The following RIMS3 variants were observed in gnomAD, a reference collection of about 807,000 sequenced individuals.
The protein encoded by RIMS3 is regulating synaptic membrane exocytosis 3, also known as regulating synaptic membrane exocytosis protein 3.
A neutral mutation model predicts 29.2 loss-of-function variants in RIMS3; 15 were observed. The ratio of observed to expected loss-of-function variants is 0.51; its 90% CI spans 0.34 to 0.79. The LOEUF (loss-of-function observed/expected upper bound fraction) is 0.79, where lower values mean the gene tolerates loss of function less well. RIMS3 is among the 30% of genes least tolerant of loss of function. The pLI is 0.01. For missense variants in RIMS3, 342 were observed against 421.4 expected, an observed-to-expected ratio of 0.81 and a Z score of 1.65; for synonymous variants, 161 against 170.1, an observed-to-expected ratio of 0.95 and a Z score of 0.41.
Position 40,623,361 on chromosome 1 carries a change from A to G in RIMS3, c.*3156T>C. On this transcript the variant is annotated 3_prime_UTR_variant, in exon 8 of 8. Coordinates refer to ENST00000372684, the MANE Select transcript of RIMS3 (RefSeq NM_014747.3). Reference sequence around the variant, plus strand: ...CATACCAAAAACCCATTGCAGGGAAAAGGAGTCTATGAAGAAAGTGGGACA... The same window carrying G: ...CATACCAAAAACCCATTGCAGGGAAGAGGAGTCTATGAAGAAAGTGGGACA... 1 of 398,624 alleles carries G rather than the reference A, an allele frequency of 2.5e-6. No homozygotes were observed. Among genetic ancestry groups the G allele is most frequent in the Non-Finnish European group, 4.4e-6 (1 of 226,072 alleles). The allele number at this position is 398,624 out of a possible 1,614,324, so 24.7% of individuals were successfully genotyped here.
intron 2 of RIMS3, among the ~76,000 whole-genome samples, chr1:40,643,164 G>A (rs1222793134): frequency 6.6e-6 from 1 of 151,314 alleles, no homozygotes; most frequent in Non-Finnish European, 1.5e-5. Context: ...TTTTGAGATG[G>A]AGCCTCACTC....
the RIMS3 span, chr1:40,691,902 G>A: frequency 2.8e-6 from 1 of 355,384 alleles, no homozygotes; most frequent in Non-Finnish European, 5.6e-6. Flanking sequence ...GTGCGAGGGT[G>A]ATAGGGAAGC....
chr1:40,683,428 C>A, the RIMS3 span, among the ~76,000 whole-genome samples: 1 of 152,118 alleles, frequency 6.6e-6, no homozygotes, highest in East Asian at 1.9e-4. Flanking sequence ...ATACGTTTGG[C>A]CCCCCTCCCT....
the RIMS3 span, among the ~76,000 whole-genome samples, chr1:40,675,209 C>T: frequency 6.6e-6 from 1 of 151,388 alleles, no homozygotes. Flanking sequence ...GCAGAGGTGG[C>T]AGTGAGCCAA....
In RIMS3 at chr1:40,626,377, C is replaced by T; in HGVS notation, c.*140G>A. On this transcript the variant is annotated 3_prime_UTR_variant, in exon 8 of 8. Transcript: ENST00000372684. ...ACGCACACACTACAGTCTCCACTGC[C>T]AGCTGGGATGAGCCCAGTAGCCAAC... 1.3e-6 allele frequency: 1 copy of T among 780,510 alleles called. No individual in the cohort carries two copies. Among genetic ancestry groups the T allele is most frequent in the Non-Finnish European group, 2.2e-6 (1 of 460,202 alleles). The allele number at this position is 780,510 out of a possible 1,614,324, so 48.3% of individuals were successfully genotyped here. A position where few individuals can be genotyped will look rare whatever the true frequency, so the allele number is the denominator to read the frequency against.
At chr1:40,645,871 C>G (rs1378499672) in intron 2 of RIMS3, among the ~76,000 whole-genome samples, 1 of 152,184 alleles carries the variant, frequency 6.6e-6, no homozygotes, top group African/African-American at 2.4e-5. Context: ...CTTTAACCAT[C>G]TAGGGATCAA....
At chr1:40,675,276 GA>G in the RIMS3 span, among the ~76,000 whole-genome samples, 159 of 140,494 alleles carry the variant, frequency 1.1e-3, no homozygotes, top group African/African-American at 2.0e-3. Flanking sequence ...CCTGTCTCAG[GA>G]AAAAAAAAAA....
the RIMS3 span, among the ~76,000 whole-genome samples, chr1:40,678,926 T>C: frequency 2.0e-5 from 3 of 152,158 alleles, no homozygotes; most frequent in Non-Finnish European, 2.9e-5. Flanking sequence ...AGAAATCTGT[T>C]AGAAAGCCTG....
chr1:40,668,488 GGGC>G (rs1214902915), upstream of RIMS3, among the ~76,000 whole-genome samples: 2 of 85,478 alleles, frequency 2.3e-5, no homozygotes, highest in East Asian at 4.7e-4. Context: ...AGGGGGTTGT[GGGC>G]GGGGGGGGGG....
intron 3 of RIMS3, among the ~76,000 whole-genome samples, chr1:40,640,525 C>T (rs1392224735): frequency 6.6e-6 from 1 of 152,198 alleles, no homozygotes; most frequent in Non-Finnish European, 1.5e-5. Context: ...TCCTCCGGAG[C>T]CCCCGCCCCC....
At chr1:40,684,092 T>C in the RIMS3 span, among the ~76,000 whole-genome samples, 1 of 152,220 alleles carries the variant, frequency 6.6e-6, no homozygotes, top group Admixed American at 6.5e-5. Context: ...AAATTTGAAA[T>C]TGAGCCTAAG....
Position 40,636,152 on chromosome 1 carries a change from TG to T in RIMS3, c.218-96del, listed in dbSNP as rs1169570716. ...TCCTGCCAAAGTCACTCTCTTGGCA[TG>T]GGGGGTTGATGGGGAGGATGAGCAG... On this transcript the variant is annotated intron_variant, in intron 3 of 7. Coordinates refer to ENST00000372684, the MANE Select transcript of RIMS3 (RefSeq NM_014747.3). The surrounding 1 kb of genome is among the most constrained non-coding windows in gnomAD (Gnocchi z 4.2). 6 of 1,489,818 alleles carry T rather than the reference TG, an allele frequency of 4.0e-6. No homozygotes were observed. The Middle Eastern group carries it at 1.1e-3, about 262-fold the overall frequency. 92.3% of individuals were successfully genotyped at this position (1,489,818 alleles called of 1,614,324 possible).
At chr1:40,676,458 C>T in the RIMS3 span, among the ~76,000 whole-genome samples, 13 of 152,250 alleles carry the variant, frequency 8.5e-5, no homozygotes, top group South Asian at 1.7e-3. Context: ...ACCTGAGACC[C>T]GCTGATACAA....
chr1:40,626,786 A>G, intron 7 of RIMS3, 57 bp from the exon 8 acceptor site: 1 of 1,527,966 alleles, frequency 6.5e-7, no homozygotes, highest in Admixed American at 1.7e-5. Context: ...AGGACTGTGC[A>G]GCAGGCCTAG....
chr1:40,655,186 G>T (rs1423885097), intron 1 of RIMS3, among the ~76,000 whole-genome samples: 1 of 152,156 alleles, frequency 6.6e-6, no homozygotes, highest in Non-Finnish European at 1.5e-5. Context: ...ATGAGACTCC[G>T]AAGCCTTCTG....
chr1:40,627,832 T>C (rs532893685), intron 7 of RIMS3, among the ~76,000 whole-genome samples: 20 of 152,218 alleles, frequency 1.3e-4, no homozygotes, highest in Admixed American at 1.2e-3. Flanking sequence ...CTCAAACTCT[T>C]GGACTCAAGT....
chr1:40,646,953 T>A (rs960748746), intron 2 of RIMS3, among the ~76,000 whole-genome samples: 1 of 151,646 alleles, frequency 6.6e-6, no homozygotes, highest in Admixed American at 6.6e-5. Flanking sequence ...CGATCTCGAC[T>A]CACTGCAACC....
Position 40,630,042 on chromosome 1 carries a change from G to A in RIMS3, c.473-670C>T, listed in dbSNP as rs563348413. 5.8e-3 allele frequency among the ~76,000 whole-genome samples: 859 copies of A among 148,774 alleles called. 4 individuals carry two copies. Among genetic ancestry groups the A allele is most frequent in the Non-Finnish European group, 0.01 (696 of 67,492 alleles). On this transcript the variant is annotated intron_variant, in intron 5 of 7. Transcript: ENST00000372684. ...GGCCAAGATTGCACCACAGCACTCC[G>A]GCCTGGGTGACGAGGAAGACTCCGT...
At chr1:40,640,038 A>G (rs1053785251) in intron 3 of RIMS3, among the ~76,000 whole-genome samples, 4 of 152,178 alleles carry the variant, frequency 2.6e-5, no homozygotes, top group Non-Finnish European at 5.9e-5. Flanking sequence ...CCAGTGACTC[A>G]GGTCCCCATC....
Sources: allele counts gnomAD v4.1 joint callset (sites outside exome capture counted in the v4.1 genomes callset), GRCh38; gene constraint gnomAD v4.1.1; non-coding constraint Gnocchi (gnomAD v3.1); transcripts MANE v1.5; gene names NCBI Gene and HGNC (gene_info 2026-07-23, HGNC 2026-07-21).